Variants in GAS2L3 observed in about 807,000 individuals in gnomAD.
GAS2L3 encodes the protein GAS2-like protein 3.
In GAS2L3, 28 loss-of-function variants were observed where a neutral mutation model predicts 37.0. That is an observed-to-expected ratio of 0.76 (90% CI 0.56 to 1.04). The LOEUF is 1.04. Ranked by LOEUF, GAS2L3 falls within the 50% of genes least tolerant of loss-of-function variation. The probability of loss-of-function intolerance (pLI) is 0.00; values close to 1 mark genes in which losing one functional copy is unlikely to be tolerated. For missense variants in GAS2L3, 793 were observed against 817.6 expected (o/e 0.97, Z 0.37); for synonymous variants, 290 against 296.6 (o/e 0.98, Z 0.23).
intron 5 of GAS2L3, among the ~76,000 whole-genome samples, chr12:100,610,697 A>C (rs1956116977): frequency 6.6e-6 from 1 of 152,180 alleles, no homozygotes; most frequent in South Asian, 2.1e-4. Flanking sequence ...TTAATATCCT[A>C]CTGTACCTAC....
chr12:100,622,950 G>A (rs933806968), intron 9 of GAS2L3, among the ~76,000 whole-genome samples: 4 of 151,810 alleles, frequency 2.6e-5, no homozygotes, highest in African/African-American at 9.7e-5. Flanking sequence ...TTGTTGGTAA[G>A]GAGATTGAAA....
intron 3 of GAS2L3, among the ~76,000 whole-genome samples, chr12:100,599,578 A>G (rs773812969): frequency 3.9e-5 from 6 of 152,190 alleles, no homozygotes; most frequent in Non-Finnish European, 7.3e-5. Flanking sequence ...GTTTTAAACT[A>G]AAGTACTTAG....
chr12:100,595,515 T>C (rs1278863028), intron 3 of GAS2L3, among the ~76,000 whole-genome samples: 1 of 151,914 alleles, frequency 6.6e-6, no homozygotes, highest in Non-Finnish European at 1.5e-5. Flanking sequence ...ATTATTCTTA[T>C]TTTTTAAGTT....
chr12:100,580,946 G>A (rs1291015248), intron 1 of GAS2L3, among the ~76,000 whole-genome samples: 4 of 152,104 alleles, frequency 2.6e-5, no homozygotes, highest in Admixed American at 6.5e-5. Context: ...AAAAATCACC[G>A]ACACACTACT....
chr12:100,626,417 G>C lies in GAS2L3; in HGVS notation c.*1527G>C, dbSNP rs1956332922. ...AGAAGTGATGCTTCTCTTCTTTAAAGAGACAGTCACCAAATACTTGGTTTA... is the reference window on the plus strand; with the variant it reads ...AGAAGTGATGCTTCTCTTCTTTAAACAGACAGTCACCAAATACTTGGTTTA... On this transcript the variant is annotated 3_prime_UTR_variant, in exon 10 of 10. Transcript: ENST00000547754. The C allele has an allele frequency of 6.6e-6, 1 of 152,326 alleles. No individual in the cohort carries two copies. Among genetic ancestry groups the C allele is most frequent in the Middle Eastern group, 3.4e-3 (1 of 294 alleles). 9.4% of individuals were successfully genotyped at this position (152,326 alleles called of 1,614,324 possible).
intron 8 of GAS2L3, among the ~76,000 whole-genome samples, chr12:100,619,928 A>G (rs1287820231): frequency 6.6e-6 from 1 of 152,034 alleles, no homozygotes; most frequent in Non-Finnish European, 1.5e-5. Flanking sequence ...TCAGATTAAA[A>G]CAGCTATGAA....
At chr12:100,617,876 G>A in intron 7 of GAS2L3, 69 bp downstream of exon 7, 1 of 870,682 alleles carries the variant, frequency 1.1e-6, no homozygotes, top group East Asian at 2.5e-5. Flanking sequence ...TTTTAGTTTA[G>A]AACACTATTT....
At chr12:100,594,827 C>A in intron 2 of GAS2L3, 48 bp from the exon 3 acceptor site, 1 of 643,908 alleles carries the variant, frequency 1.6e-6, no homozygotes, top group East Asian at 3.4e-5. Flanking sequence ...GGGGGAGTAG[C>A]AAAACTGCCA....
At chr12:100,615,580 A>T (rs1412054254) in intron 6 of GAS2L3, among the ~76,000 whole-genome samples, 1 of 151,996 alleles carries the variant, frequency 6.6e-6, no homozygotes, top group African/African-American at 2.4e-5. Flanking sequence ...TTAAAGTCAT[A>T]TATATTTTTA....
At chr12:100,615,583 T>G (rs542235369) in intron 6 of GAS2L3, among the ~76,000 whole-genome samples, 1 of 152,302 alleles carries the variant, frequency 6.6e-6, no homozygotes, top group South Asian at 2.1e-4. Context: ...AAGTCATATA[T>G]ATTTTTAACA....
intron 1 of GAS2L3, among the ~76,000 whole-genome samples, chr12:100,583,837 G>A (rs1357478375): frequency 3.9e-5 from 6 of 152,202 alleles, no homozygotes; most frequent in East Asian, 1.9e-4. Context: ...CACCTTGACC[G>A]TAATCACTGT....
chr12:100,592,381 A>G (rs1011975415), intron 2 of GAS2L3: 2 of 152,214 alleles, frequency 1.3e-5, no homozygotes, highest in Non-Finnish European at 2.9e-5. Context: ...CAGATTTGTA[A>G]CAGATGGAGC....
intron 3 of GAS2L3, 23 bp from the exon 4 acceptor site, chr12:100,600,359 T>A: frequency 6.6e-7 from 1 of 1,505,128 alleles, no homozygotes; most frequent in Non-Finnish European, 9.0e-7. Flanking sequence ...TTCATTCAGT[T>A]GATTGATTTT....
At chr12:100,601,490 A>C in intron 4 of GAS2L3, 148 bp from the exon 5 acceptor site, 1 of 478,846 alleles carries the variant, frequency 2.1e-6, no homozygotes, top group Non-Finnish European at 3.8e-6. Context: ...ATTATTTGCT[A>C]TTTTAACTGT....
In GAS2L3 at chr12:100,601,734, G is replaced by T. The variant is rs753661592; in HGVS notation, c.284G>T (p.Cys95Phe). Residue 95 changes from cysteine (C) to phenylalanine (F), a missense_variant, in exon 5 of 10, where the codon TGC (cysteine) becomes TTC (phenylalanine). Physicochemically the swap from Cys to Phe is radical, Grantham distance 205. Transcript: ENST00000547754. ...IDVLQNMVKTCNSEESGNFPM... is the reference protein window; with the variant it reads ...IDVLQNMVKTFNSEESGNFPM... ...GTTCTTCAAAACATGGTGAAAACATGCAACTCTGAAGAATCAGGGGTAAGT... is the reference window on the plus strand; with the variant it reads ...GTTCTTCAAAACATGGTGAAAACATTCAACTCTGAAGAATCAGGGGTAAGT... 6.3e-7 allele frequency: 1 copy of T among 1,580,922 alleles called. No individual in the cohort carries two copies. Among genetic ancestry groups the T allele is most frequent in the Non-Finnish European group, 8.7e-7 (1 of 1,153,406 alleles).
At chr12:100,622,953 G>C (rs1403214097) in intron 9 of GAS2L3, among the ~76,000 whole-genome samples, 1 of 151,874 alleles carries the variant, frequency 6.6e-6, no homozygotes, top group Non-Finnish European at 1.5e-5. Context: ...TTGGTAAGGA[G>C]ATTGAAATTT....
At chr12:100,589,709 A>G (rs1295476886) in intron 1 of GAS2L3, among the ~76,000 whole-genome samples, 2 of 152,210 alleles carry the variant, frequency 1.3e-5, no homozygotes, top group East Asian at 1.9e-4. Context: ...ACAGCGTGGT[A>G]CAGCTACAAA....
rs61754577 is a variant in GAS2L3 at position 100,624,692 on chromosome 12, G to A, written c.1887G>A (p.Pro629=). The change falls in exon 10 of 10, where the codon CCG becomes CCA. Residue 629 remains proline, a synonymous_variant. Coordinates refer to ENST00000547754, the MANE Select transcript of GAS2L3 (RefSeq NM_174942.3). The part of the protein sequence containing the change: ...PQSSTKTQTA[P]KSAQTVAKSQ... Reference sequence around the variant, plus strand: ...CTTCTACCAAAACACAAACTGCACCGAAGTCAGCACAGACTGTCGCTAAGA... The same window carrying A: ...CTTCTACCAAAACACAAACTGCACCAAAGTCAGCACAGACTGTCGCTAAGA... The A allele has an allele frequency of 1.4e-4, 230 of 1,613,936 alleles. No homozygotes were observed. In the Middle Eastern group the frequency reaches 1.6e-3, roughly 12 times the overall value.
intron 3 of GAS2L3, among the ~76,000 whole-genome samples, chr12:100,597,807 G>A (rs2136452905): frequency 6.6e-6 from 1 of 152,018 alleles, no homozygotes; most frequent in South Asian, 2.1e-4. Flanking sequence ...CTATGGCATT[G>A]CTATAGCTTT....
Sources: allele counts gnomAD v4.1 joint callset (sites outside exome capture counted in the v4.1 genomes callset), GRCh38; gene constraint gnomAD v4.1.1; transcripts MANE v1.5; gene names NCBI Gene and HGNC (gene_info 2026-07-23, HGNC 2026-07-21).